The following SLC12A7 variants were observed in gnomAD, a reference collection of about 807,000 sequenced individuals.
SLC12A7 encodes K-Cl cotransporter 4.
In SLC12A7, 100 loss-of-function variants were observed where a neutral mutation model predicts 120.6. That is an observed-to-expected ratio of 0.83 (90% CI 0.71 to 0.98). SLC12A7 has a LOEUF of 0.98. Among genes scored for constraint, SLC12A7 ranks in the 50% least tolerant of loss-of-function variants. SLC12A7 has a pLI of 0.00. For synonymous variants in SLC12A7, 760 were observed against 678.0 expected, an observed-to-expected ratio of 1.12 and a Z score of -1.88; for missense variants, 1,373 against 1,548.1, an observed-to-expected ratio of 0.89 and a Z score of 1.90.
At chr5:1,133,070 A>G in the SLC12A7 span, among the ~76,000 whole-genome samples, 2 of 152,148 alleles carry the variant, frequency 1.3e-5, no homozygotes, top group Non-Finnish European at 2.9e-5. Context: ...GGCGTGCGTC[A>G]CCACACACAG....
rs1011194371 is a variant in SLC12A7 at position 1,111,869 on chromosome 5, C to T, written c.123G>A (p.Pro41=). The T allele has an allele frequency of 1.7e-6, 2 of 1,211,842 alleles. No individual in the cohort carries two copies. The highest frequency in any genetic ancestry group is 1.6e-5 in the African/African-American group (1 of 63,396). 75.1% of individuals were successfully genotyped at this position (1,211,842 alleles called of 1,614,324 possible). The change falls in exon 1 of 24, where the codon CCG becomes CCA. Residue 41 remains proline (P), a splice_region_variant and synonymous_variant. Coordinates refer to ENST00000264930, the MANE Select transcript of SLC12A7 (RefSeq NM_006598.3). ...PEGPEPERPS[P]GDGNPRENSP... ...CCGGCCAGGTGCGGCCGCGCTCACC[C>T]GGGCTGGGGCGCTCGGGCTCGGGGC...
rs9312741 is a variant in SLC12A7, at chr5:1,081,932, G to C, written c.1130-188C>G. Among the ~76,000 whole-genome samples, 88,742 of 152,186 alleles carry C rather than the reference G, an allele frequency of 0.58. 26,105 individuals are homozygous for C. The highest frequency in any genetic ancestry group is 0.69 in the East Asian group (3,569 of 5,174). The stretch of plus-strand genomic sequence containing the variant: ...ACCTCTGGGAAAGCTGCCTGTCTGC[G>C]TCTACGGAGGGAAGGTCAGCACTAA... On this transcript the variant is annotated intron_variant, in intron 8 of 23. Coordinates refer to ENST00000264930, the MANE Select transcript of SLC12A7 (RefSeq NM_006598.3).
At chr5:1,135,560 C>G in the SLC12A7 span, among the ~76,000 whole-genome samples, 1 of 152,160 alleles carries the variant, frequency 6.6e-6, no homozygotes, top group Non-Finnish European at 1.5e-5. Context: ...GGGTTGAAGT[C>G]GCCACAGGGG....
chr5:1,064,016 C>A, intron 19 of SLC12A7, 41 bp from the exon 20 acceptor site: 1 of 1,604,348 alleles, frequency 6.2e-7, no homozygotes, highest in Non-Finnish European at 8.5e-7. Context: ...CTCAGAGGAG[C>A]CCGTCCCGGC....
chr5:1,128,963 C>T, the SLC12A7 span, among the ~76,000 whole-genome samples: 2 of 152,258 alleles, frequency 1.3e-5, no homozygotes, highest in Admixed American at 1.3e-4. Flanking sequence ...GTCCAACACA[C>T]CTGCCAGCTC....
intron 6 of SLC12A7, among the ~76,000 whole-genome samples, chr5:1,086,314 C>G (rs538825793): frequency 6.6e-6 from 1 of 152,280 alleles, no homozygotes; most frequent in East Asian, 1.9e-4. Context: ...CCTGCAGGGA[C>G]AGCGGGTTTC....
At chr5:1,085,116 A>G in intron 7 of SLC12A7, 116 bp downstream of exon 7, 1 of 1,420,082 alleles carries the variant, frequency 7.0e-7, no homozygotes, top group Non-Finnish European at 9.5e-7. Context: ...GGTCACACCC[A>G]GCCCACCCCT....
chr5:1,078,830 G>C, intron 10 of SLC12A7, 72 bp from the exon 11 acceptor site: 1 of 632,122 alleles, frequency 1.6e-6, no homozygotes, highest in Admixed American at 2.4e-5. Context: ...GGGTGGGGTG[G>C]GGTGGGGTGG....
intron 1 of SLC12A7, among the ~76,000 whole-genome samples, chr5:1,104,909 G>T (rs889232292): frequency 1.3e-5 from 2 of 152,190 alleles, no homozygotes; most frequent in Non-Finnish European, 2.9e-5. Context: ...CCCCTGCAAC[G>T]GCAGCACACG....
At chr5:1,152,555 C>T in the SLC12A7 span, among the ~76,000 whole-genome samples, 1 of 132,224 alleles carries the variant, frequency 7.6e-6, no homozygotes, top group Admixed American at 7.6e-5. Flanking sequence ...GGAGACCTCC[C>T]TGGTAAGGGA....
At chr5:1,110,044 G>A (rs963445224) in intron 1 of SLC12A7, among the ~76,000 whole-genome samples, 10 of 152,230 alleles carry the variant, frequency 6.6e-5, no homozygotes, top group African/African-American at 1.7e-4. Context: ...CCCAGGCTCC[G>A]TGCCCATCAC....
the SLC12A7 span, among the ~76,000 whole-genome samples, chr5:1,140,639 G>A: frequency 2.0e-5 from 3 of 152,250 alleles, no homozygotes; most frequent in African/African-American, 4.8e-5. Flanking sequence ...AACTCGCACC[G>A]CTGGCTCCAC....
chr5:1,078,060 A>T (rs938102079), intron 11 of SLC12A7, 53 bp from the exon 12 acceptor site: 16 of 1,510,330 alleles, frequency 1.1e-5, no homozygotes, highest in Middle Eastern at 1.7e-4. Context: ...AGCCTGAGTC[A>T]GACAAAATGT....
the SLC12A7 span, among the ~76,000 whole-genome samples, chr5:1,147,238 G>GCCCCCCCCCCCCCCCCCCCCCCCCCC: frequency 1.1e-5 from 1 of 87,910 alleles, no homozygotes; most frequent in African/African-American, 5.5e-5. Context: ...CCTCATCACG[G>GCCCCCCCCCCCCCCCCCCCCCCCCCC]CCCACCCCGC....
the SLC12A7 span, among the ~76,000 whole-genome samples, chr5:1,142,949 T>TGGGCCCTGGGCCCC: frequency 1.3e-5 from 2 of 151,826 alleles, no homozygotes; most frequent in Non-Finnish European, 2.9e-5. Flanking sequence ...GGGAGGGCAC[T>TGGGCCCTGGGCCCC]GGGCCCTGGG....
intron 22 of SLC12A7, among the ~76,000 whole-genome samples, chr5:1,054,093 G>A (rs573654628): frequency 7.9e-5 from 12 of 152,364 alleles, no homozygotes; most frequent in Admixed American, 5.9e-4. Context: ...AGGGTATGCC[G>A]AGGACTCAGC....
chr5:1,134,450 A>G, the SLC12A7 span, among the ~76,000 whole-genome samples: 3 of 150,928 alleles, frequency 2.0e-5, no homozygotes, highest in Non-Finnish European at 4.4e-5. Flanking sequence ...AGCCTGGGCA[A>G]TAAGAGCAAA....
chr5:1,120,375 G>A, the SLC12A7 span, among the ~76,000 whole-genome samples: 4 of 152,248 alleles, frequency 2.6e-5, no homozygotes, highest in African/African-American at 9.6e-5. Flanking sequence ...GCTGAACCCG[G>A]AGGACAAGAG....
chr5:1,153,870 C>A, the SLC12A7 span, among the ~76,000 whole-genome samples: 1 of 152,142 alleles, frequency 6.6e-6, no homozygotes, highest in Admixed American at 6.5e-5. Context: ...TGTTTGAAGA[C>A]AGGGTCTTCC....
Sources: allele counts gnomAD v4.1 joint callset (sites outside exome capture counted in the v4.1 genomes callset), GRCh38; gene constraint gnomAD v4.1.1; transcripts MANE v1.5; gene names NCBI Gene and HGNC (gene_info 2026-07-23, HGNC 2026-07-21).